BTAF1: variants seen among roughly 807,000 people sequenced by gnomAD.
BTAF1 encodes the protein B-TFIID TATA-box binding protein associated factor 1.
Under a neutral mutation model 227.1 loss-of-function variants are expected in BTAF1, and 38 were observed. The observed-to-expected ratio is 0.17, with a 90% CI of 0.13 to 0.22. BTAF1 has a LOEUF of 0.22. Among genes scored for constraint, BTAF1 ranks in the 10% least tolerant of loss-of-function variants. BTAF1 has a pLI of 1.00. For synonymous variants in BTAF1, 742 were observed against 751.9 expected (o/e 0.99, Z 0.21); for missense variants, 1,598 against 2,204.0 (o/e 0.73, Z 5.51).
chr10:91,956,302 C>G (rs927111457), intron 6 of BTAF1, among the ~76,000 whole-genome samples: 2 of 152,052 alleles, frequency 1.3e-5, no homozygotes, highest in African/African-American at 4.8e-5. Flanking sequence ...ATTCACCAAC[C>G]TATAGTGTAG....
chr10:91,938,854 T>C (rs1457944825), intron 2 of BTAF1, among the ~76,000 whole-genome samples: 3 of 151,906 alleles, frequency 2.0e-5, no homozygotes, highest in Admixed American at 6.6e-5. Flanking sequence ...TGAGACCCCA[T>C]CTCTAAAAAA....
intron 19 of BTAF1, among the ~76,000 whole-genome samples, chr10:91,986,308 C>G (rs994719271): frequency 6.6e-6 from 1 of 152,166 alleles, no homozygotes; most frequent in African/African-American, 2.4e-5. Context: ...ATGTATTTGT[C>G]TTTCCTTATG....
intron 34 of BTAF1, among the ~76,000 whole-genome samples, chr10:92,021,732 G>T (rs1458677508): frequency 6.6e-6 from 1 of 151,844 alleles, no homozygotes; most frequent in African/African-American, 2.4e-5. Flanking sequence ...TTTTAGTAGA[G>T]ACAGGGTTTC....
At chr10:92,014,321 G>A (rs573776104) in intron 32 of BTAF1, among the ~76,000 whole-genome samples, 1 of 152,064 alleles carries the variant, frequency 6.6e-6, no homozygotes, top group African/African-American at 2.4e-5. Context: ...CTCGACCTCC[G>A]GGTTCAAGTG....
intron 33 of BTAF1, among the ~76,000 whole-genome samples, 158 bp downstream of exon 33, chr10:92,016,623 G>A (rs1035179992): frequency 1.4e-4 from 22 of 152,038 alleles, no homozygotes; most frequent in African/African-American, 5.1e-4. Context: ...GTAGAGGTGT[G>A]CGCCACCATG....
At chr10:92,028,168 A>T (rs933279218) in intron 37 of BTAF1, among the ~76,000 whole-genome samples, 11 of 152,212 alleles carry the variant, frequency 7.2e-5, no homozygotes, top group African/African-American at 2.7e-4. Flanking sequence ...TCAAAGAAAC[A>T]TGCATAGCCG....
At chr10:92,022,859 T>G (rs1277179865) in intron 34 of BTAF1, among the ~76,000 whole-genome samples, 1 of 152,192 alleles carries the variant, frequency 6.6e-6, no homozygotes, top group South Asian at 2.1e-4. Context: ...TCGATCAGAC[T>G]TGTTTATTTG....
intron 4 of BTAF1, among the ~76,000 whole-genome samples, chr10:91,948,082 A>G (rs910348074): frequency 6.6e-6 from 1 of 152,072 alleles, no homozygotes. Flanking sequence ...ATATGTATAC[A>G]TGTGCCGTGT....
At chr10:92,024,105 A>G (rs552193888) in intron 34 of BTAF1, among the ~76,000 whole-genome samples, 92 of 152,380 alleles carry the variant, frequency 6.0e-4, no homozygotes, top group African/African-American at 2.2e-3. Flanking sequence ...CCACTTTAGG[A>G]ATAAGTATAA....
intron 3 of BTAF1, among the ~76,000 whole-genome samples, chr10:91,941,018 C>T (rs961961679): frequency 2.6e-5 from 4 of 152,154 alleles, no homozygotes; most frequent in Admixed American, 2.6e-4. Flanking sequence ...CCTCAACTCC[C>T]TTTAATAACA....
intron 32 of BTAF1, among the ~76,000 whole-genome samples, chr10:92,015,930 G>C (rs1409396782): frequency 6.6e-6 from 1 of 151,650 alleles, no homozygotes; most frequent in Non-Finnish European, 1.5e-5. Context: ...ATACATACAG[G>C]GTCTTGATCA....
At chr10:91,927,141 A>ATT (rs60927634) in intron 1 of BTAF1, among the ~76,000 whole-genome samples, 3 of 143,664 alleles carry the variant, frequency 2.1e-5, no homozygotes, top group African/African-American at 7.7e-5. Flanking sequence ...TTTTTGTTTG[A>ATT]TTTTTTTTTT....
At chr10:91,928,353 T>A (rs1329379100) in intron 1 of BTAF1, among the ~76,000 whole-genome samples, 5 of 152,126 alleles carry the variant, frequency 3.3e-5, no homozygotes, top group Non-Finnish European at 7.4e-5. Context: ...GTAAATACAA[T>A]CATAGCATTT....
At chr10:91,979,677 T>C (rs772988714) in intron 14 of BTAF1, among the ~76,000 whole-genome samples, 10 of 152,168 alleles carry the variant, frequency 6.6e-5, no homozygotes, top group Non-Finnish European at 1.3e-4. Context: ...TCCAGTGAGC[T>C]TGTAATTGTT....
intron 1 of BTAF1, among the ~76,000 whole-genome samples, chr10:91,929,666 C>T (rs1031465618): frequency 6.6e-6 from 1 of 152,098 alleles, no homozygotes; most frequent in Non-Finnish European, 1.5e-5. Flanking sequence ...ACCTTAATTA[C>T]CAATAAAGGA....
Position 92,003,473 on chromosome 10 carries a change from G to T in BTAF1, c.3661-4650G>T, listed in dbSNP as rs540569151. 3.9e-4 allele frequency among the ~76,000 whole-genome samples: 60 copies of T among 152,268 alleles called. No individual in the cohort carries two copies. In the South Asian group the frequency reaches 0.011, roughly 28 times the overall value. ...CTGCTTCCATGAGTTTGACATTTTAGATTTCCACATATAAGTGAGATCACA... is the reference window on the plus strand; with the variant it reads ...CTGCTTCCATGAGTTTGACATTTTATATTTCCACATATAAGTGAGATCACA... On this transcript the variant is annotated intron_variant, in intron 25 of 37. Coordinates refer to ENST00000265990, the MANE Select transcript of BTAF1 (RefSeq NM_003972.3).
intron 8 of BTAF1, among the ~76,000 whole-genome samples, chr10:91,957,741 T>C (rs1846200539): frequency 6.6e-6 from 1 of 152,194 alleles, no homozygotes; most frequent in Non-Finnish European, 1.5e-5. Flanking sequence ...AAACCATTGT[T>C]TCTCCCTTCT....
In BTAF1 at chr10:91,928,697, G is replaced by A. The variant is rs112612696; in HGVS notation, c.14+4607G>A. ...ACTTAGTTGGGATTTTGCCACCAAC[G>A]GTAAAAGCAACCTTTGCGATCGCAG... On this transcript the variant is annotated intron_variant, in intron 1 of 37. Transcript: ENST00000265990. Among the ~76,000 whole-genome samples the A allele has an allele frequency of 3.3e-3, 499 of 150,834 alleles. 11 individuals are homozygous for A. Among genetic ancestry groups the A allele is most frequent in the African/African-American group, 0.012 (489 of 40,572 alleles).
chr10:91,979,399 C>T (rs1487235484), intron 14 of BTAF1, among the ~76,000 whole-genome samples: 1 of 152,012 alleles, frequency 6.6e-6, no homozygotes, highest in African/African-American at 2.4e-5. Context: ...GTCATGTGGC[C>T]CTTTTAAAAC....
Sources: gnomAD v4.1 joint callset for allele counts (sites outside exome capture counted in the v4.1 genomes callset) on GRCh38, gnomAD v4.1.1 for gene constraint, MANE v1.5 for transcripts, NCBI Gene and HGNC (gene_info 2026-07-23, HGNC 2026-07-21) for gene names.